LIPI: variants seen among roughly 807,000 people sequenced by gnomAD.
The protein encoded by LIPI is lipase I.
A neutral mutation model predicts 50.6 loss-of-function variants in LIPI; 59 were observed. That is an observed-to-expected ratio of 1.16 (90% CI 0.94 to 1.45). The LOEUF (loss-of-function observed/expected upper bound fraction) is 1.45, where lower values mean the gene tolerates loss of function less well. Among genes scored for constraint, LIPI ranks in the 40% most tolerant of loss-of-function variants. LIPI has a pLI of 0.00. For missense variants in LIPI, 586 were observed against 536.3 expected, an observed-to-expected ratio of 1.09 and a Z score of -0.92; for synonymous variants, 203 against 178.2, an observed-to-expected ratio of 1.14 and a Z score of -1.11.
At chr21:14,168,078 C>T (rs2123173763) in intron 4 of LIPI, among the ~76,000 whole-genome samples, 1 of 152,228 alleles carries the variant, frequency 6.6e-6, no homozygotes, top group Non-Finnish European at 1.5e-5. Context: ...GCAGAAGACT[C>T]AGGGGCCGAT....
chr21:14,146,770 C>CTTTTTTTTTTTT (rs1308738575), intron 8 of LIPI, among the ~76,000 whole-genome samples: 2 of 64,866 alleles, frequency 3.1e-5, no homozygotes, highest in African/African-American at 1.4e-4. Context: ...TTCCCAGTCT[C>CTTTTTTTTTTTT]TATTTTTTTT....
chr21:14,165,000 T>TA (rs2018625366), intron 6 of LIPI, among the ~76,000 whole-genome samples: 1 of 152,136 alleles, frequency 6.6e-6, no homozygotes. Flanking sequence ...ACACTGAACA[T>TA]AAAAAGGCAG....
In LIPI at chr21:14,204,549, A is replaced by C. The variant is rs563783536; in HGVS notation, c.46+6251T>G. Among the ~76,000 whole-genome samples, 14 of 152,122 alleles carry C rather than the reference A, an allele frequency of 9.2e-5. No homozygotes were observed. In the East Asian group the frequency reaches 2.5e-3, roughly 27 times the overall value. On this transcript the variant is annotated intron_variant, in intron 1 of 9. Transcript: ENST00000681601. ...AGAAACTGTATAAGAAAAATAAATGACATTTTGAAGATAATAGGACCATGA... is the reference window on the plus strand; with the variant it reads ...AGAAACTGTATAAGAAAAATAAATGCCATTTTGAAGATAATAGGACCATGA...
In LIPI at chr21:14,109,074, TG is replaced by T; in HGVS notation, c.1301del (p.Pro434HisfsTer39). On this transcript the variant is annotated frameshift_variant, in exon 10 of 10. Transcript: ENST00000681601. LOFTEE classifies it high-confidence loss of function. The stretch of plus-strand genomic sequence containing the variant: ...TAAGTACAATATTATACCTGCAAAG[TG>T]GTGGTCTGAGAAAGAGAAAAATGGA... ...LKSLTYPERPPLCRYNIVLKD... is the reference protein window; with the variant it reads ...LKSLTYPERPXLCRYNIVLKD... The T allele has an allele frequency of 6.3e-7, 1 of 1,595,428 alleles. No homozygotes were observed. Among genetic ancestry groups the T allele is most frequent in the Non-Finnish European group, 8.6e-7 (1 of 1,163,702 alleles).
chr21:14,165,430 T>A, intron 5 of LIPI, 40 bp from the exon 6 acceptor site: 2 of 1,441,112 alleles, frequency 1.4e-6, no homozygotes, highest in Non-Finnish European at 1.9e-6. Flanking sequence ...GTAGATGTAT[T>A]AAGCCATGTT....
intron 4 of LIPI, among the ~76,000 whole-genome samples, chr21:14,171,446 C>T (rs202039352): frequency 0.069 from 10,295 of 149,782 alleles, 433 homozygotes; most frequent in East Asian, 0.21. Flanking sequence ...GGAGGCATCA[C>T]GCTACCTGAC....
At chr21:14,114,868 A>G (rs1049957664) in intron 9 of LIPI, among the ~76,000 whole-genome samples, 1 of 152,194 alleles carries the variant, frequency 6.6e-6, no homozygotes, top group Admixed American at 6.5e-5. Context: ...AAATCTTAAA[A>G]CCAGCCAAGA....
At chr21:14,172,312 T>C (rs1408285734) in intron 4 of LIPI, among the ~76,000 whole-genome samples, 1 of 152,176 alleles carries the variant, frequency 6.6e-6, no homozygotes, top group Non-Finnish European at 1.5e-5. Flanking sequence ...AGTGTGGCGA[T>C]TCCTCAGGGA....
chr21:14,177,725 CTTATT>C (rs1377307643), intron 4 of LIPI, among the ~76,000 whole-genome samples: 1 of 151,992 alleles, frequency 6.6e-6, no homozygotes, highest in Non-Finnish European at 1.5e-5. Context: ...CTATTTTTAG[CTTATT>C]TTAATTTTCT....
At chr21:14,179,571 G>T (rs916769325) in intron 4 of LIPI, among the ~76,000 whole-genome samples, 2 of 152,186 alleles carry the variant, frequency 1.3e-5, no homozygotes, top group Non-Finnish European at 2.9e-5. Context: ...AGGCAGAATT[G>T]AAGTTAGTGT....
chr21:14,130,404 C>A (rs1286513108), intron 9 of LIPI, among the ~76,000 whole-genome samples: 1 of 152,112 alleles, frequency 6.6e-6, no homozygotes, highest in Non-Finnish European at 1.5e-5. Context: ...TGCCCTTGGA[C>A]CAAGTTCAAG....
intron 4 of LIPI, among the ~76,000 whole-genome samples, chr21:14,177,242 T>A (rs1197384053): frequency 6.6e-6 from 1 of 152,116 alleles, no homozygotes; most frequent in Non-Finnish European, 1.5e-5. Flanking sequence ...AAAATCAATT[T>A]TGTCTAATAT....
rs972208355 is a variant in LIPI, at chr21:14,165,531, C to T, written c.734-141G>A. ...CTGACTATAATACACAGTTTTATGT[C>T]AAACCACTAAACAAATAGTACCAAT... On this transcript the variant is annotated intron_variant, in intron 5 of 9. Coordinates refer to ENST00000681601, the MANE Select transcript of LIPI (RefSeq NM_001302998.2). The T allele has an allele frequency of 6.4e-6, 4 of 623,522 alleles. No homozygotes were observed. In the African/African-American group the frequency reaches 7.4e-5, roughly 12 times the overall value. The allele number at this position is 623,522 out of a possible 1,614,324, so 38.6% of individuals were successfully genotyped here.
intron 3 of LIPI, among the ~76,000 whole-genome samples, chr21:14,184,085 A>C (rs1051921134): frequency 1.1e-4 from 17 of 152,354 alleles, no homozygotes; most frequent in African/African-American, 4.1e-4. Flanking sequence ...CTAAATGTCC[A>C]ACAACGATAG....
Position 14,146,772 on chromosome 21 carries a change from A to T in LIPI, c.1119-1973T>A, listed in dbSNP as rs1201908342. On this transcript the variant is annotated intron_variant, in intron 8 of 9. Transcript: ENST00000681601. Reference sequence around the variant, plus strand: ...TCTCTTTCTTACTTTCCCAGTCTCTATTTTTTTTTTTTTTTTTTTTTTTTT... The same window carrying T: ...TCTCTTTCTTACTTTCCCAGTCTCTTTTTTTTTTTTTTTTTTTTTTTTTTT... 9.4e-3 allele frequency among the ~76,000 whole-genome samples: 688 copies of T among 73,244 alleles called. 1 individual carries two copies. The highest frequency in any genetic ancestry group is 0.014 in the African/African-American group (235 of 16,510). 48.1% of individuals were successfully genotyped at this position (73,244 alleles called of 152,430 possible). A position where few individuals can be genotyped will look rare whatever the true frequency, so the allele number is the denominator to read the frequency against.
intron 1 of LIPI, among the ~76,000 whole-genome samples, chr21:14,191,863 T>C (rs1279185764): frequency 2.0e-5 from 3 of 152,184 alleles, no homozygotes; most frequent in African/African-American, 7.2e-5. Context: ...AAAGCATCCA[T>C]AGTCTGGCCT....
chr21:14,169,101 C>G (rs529801503), intron 4 of LIPI, among the ~76,000 whole-genome samples: 1 of 152,150 alleles, frequency 6.6e-6, no homozygotes. Context: ...CAACAAAGAT[C>G]AAAAGAGACA....
At position 14,108,837 on chromosome 21, in the gene LIPI, T is replaced by TTTTTA. The variant is rs1420217725; in HGVS notation, c.*151_*155dup. ...ATTTGGAATGTTTAACTGTATGCAT[T>TTTTTA]TTTTATTTTCTTTATTTTTGATTCT... On this transcript the variant is annotated 3_prime_UTR_variant, in exon 10 of 10. Transcript: ENST00000681601. 3 of 859,700 alleles carry TTTTTA rather than the reference T, an allele frequency of 3.5e-6. No individual in the cohort carries two copies. Among genetic ancestry groups the TTTTTA allele is most frequent in the Admixed American group, 2.6e-5 (1 of 38,712 alleles). The allele number at this position is 859,700 out of a possible 1,614,324, so 53.3% of individuals were successfully genotyped here.
intron 1 of LIPI, chr21:14,206,803 A>G: frequency 6.7e-7 from 1 of 1,496,720 alleles, no homozygotes; most frequent in Non-Finnish European, 9.3e-7. Flanking sequence ...AAGTGAAGTT[A>G]AAAGAGATTA....
Sources: gnomAD v4.1 joint callset for allele counts (sites outside exome capture counted in the v4.1 genomes callset) on GRCh38, gnomAD v4.1.1 for gene constraint, MANE v1.5 for transcripts, NCBI Gene and HGNC (gene_info 2026-07-23, HGNC 2026-07-21) for gene names.